The following TMEM9 variants were observed in gnomAD, a reference collection of about 807,000 sequenced individuals.
TMEM9 encodes proton-transporting V-type ATPase complex assembly regulator TMEM9.
Under a neutral mutation model 22.8 loss-of-function variants are expected in TMEM9, and 13 were observed. The observed-to-expected ratio is 0.57, with a 90% confidence interval of 0.37 to 0.91. The LOEUF is 0.91. Among genes scored for constraint, TMEM9 ranks in the 40% least tolerant of loss-of-function variants. The probability of loss-of-function intolerance (pLI) is 0.01; values close to 1 mark genes in which losing one functional copy is unlikely to be tolerated. For synonymous variants in TMEM9, 88 were observed against 93.0 expected, an observed-to-expected ratio of 0.95 and a Z score of 0.31; for missense variants, 182 against 238.1, an observed-to-expected ratio of 0.76 and a Z score of 1.55.
At chr1:201,137,438 C>T (rs959488389) in intron 4 of TMEM9, among the ~76,000 whole-genome samples, 6 of 150,940 alleles carry the variant, frequency 4.0e-5, no homozygotes, top group Admixed American at 6.6e-5. Flanking sequence ...TTCTGCTATA[C>T]GGTCATTAGG....
At chr1:201,163,075 C>T (rs1230963350) in intron 1 of TMEM9, among the ~76,000 whole-genome samples, 4 of 152,054 alleles carry the variant, frequency 2.6e-5, no homozygotes, top group Non-Finnish European at 5.9e-5. Flanking sequence ...TGCTTGAGCC[C>T]AGGAGCTAGA....
chr1:201,144,998 C>T (rs1664844210), intron 3 of TMEM9: 1 of 152,288 alleles, frequency 6.6e-6, no homozygotes, highest in African/African-American at 2.4e-5. Context: ...TCAGGACTTT[C>T]AAGCTGGGTG....
At chr1:201,142,835 T>C (rs1327408536) in intron 4 of TMEM9, among the ~76,000 whole-genome samples, 1 of 152,136 alleles carries the variant, frequency 6.6e-6, no homozygotes, top group African/African-American at 2.4e-5. Context: ...CATGAGCGCA[T>C]AAAGGGGGAG....
intron 1 of TMEM9, among the ~76,000 whole-genome samples, chr1:201,164,294 T>C (rs1463284703): frequency 6.6e-6 from 1 of 152,236 alleles, no homozygotes; most frequent in African/African-American, 2.4e-5. Flanking sequence ...AAATGTTTTG[T>C]ATCTTGATTA....
intron 1 of TMEM9, among the ~76,000 whole-genome samples, chr1:201,162,944 T>C (rs1369523749): frequency 1.3e-5 from 2 of 151,800 alleles, no homozygotes; most frequent in Non-Finnish European, 2.9e-5. Flanking sequence ...ATATGGCAAA[T>C]AAGTACATGA....
chr1:201,148,059 C>A (rs1665128223), intron 2 of TMEM9, among the ~76,000 whole-genome samples: 1 of 152,222 alleles, frequency 6.6e-6, no homozygotes, highest in African/African-American at 2.4e-5. Context: ...CAGTACCTAG[C>A]TGGGTGCTGG....
chr1:201,136,316 C>G lies in TMEM9; in HGVS notation c.400-501G>C, dbSNP rs145223075. Among the ~76,000 whole-genome samples the G allele has an allele frequency of 1.1e-4, 17 of 152,324 alleles. No homozygotes were observed. The East Asian group carries it at 3.3e-3, about 29-fold the overall frequency. ...GGCTAGTACTAGGCTAGAGAACTCCCCTGCCCTCCACGCCATTGCCCAGGG... is the reference window on the plus strand; with the variant it reads ...GGCTAGTACTAGGCTAGAGAACTCCGCTGCCCTCCACGCCATTGCCCAGGG... On this transcript the variant is annotated intron_variant, in intron 4 of 4. Transcript: ENST00000367330.
intron 2 of TMEM9, among the ~76,000 whole-genome samples, chr1:201,150,087 G>A (rs1001597434): frequency 6.6e-6 from 1 of 152,236 alleles, no homozygotes; most frequent in African/African-American, 2.4e-5. Context: ...TGGGTTTTCA[G>A]GCCATCTATA....
chr1:201,138,367 C>T (rs1272485610), intron 4 of TMEM9, among the ~76,000 whole-genome samples: 1 of 152,196 alleles, frequency 6.6e-6, no homozygotes, highest in Non-Finnish European at 1.5e-5. Flanking sequence ...GCTGAGTTTC[C>T]ATCGCTAATA....
At chr1:201,156,573 C>T (rs534219147), upstream of TMEM9, among the ~76,000 whole-genome samples, 1 of 152,298 alleles carries the variant, frequency 6.6e-6, no homozygotes, top group African/African-American at 2.4e-5. Context: ...TTGCTCATTG[C>T]AGTCCTCCAT....
At chr1:201,160,464 C>T (rs946214336) in intron 1 of TMEM9, among the ~76,000 whole-genome samples, 1 of 152,020 alleles carries the variant, frequency 6.6e-6, no homozygotes, top group Non-Finnish European at 1.5e-5. Flanking sequence ...TGGCACATGC[C>T]TGTAATCCCA....
intron 1 of TMEM9, among the ~76,000 whole-genome samples, chr1:201,169,708 G>T (rs1666167405): frequency 6.6e-6 from 1 of 151,804 alleles, no homozygotes; most frequent in Non-Finnish European, 1.5e-5. Context: ...TTTTTTTTTG[G>T]ATGAGCACTT....
chr1:201,162,246 C>T (rs12749395), intron 1 of TMEM9, among the ~76,000 whole-genome samples: 28,124 of 151,430 alleles, frequency 0.19, 2,874 homozygotes, highest in Non-Finnish European at 0.23. Context: ...GCCTTGACCT[C>T]CAGGCTCTTG....
intron 1 of TMEM9, among the ~76,000 whole-genome samples, chr1:201,159,565 G>C (rs1346389455): frequency 3.6e-5 from 5 of 138,594 alleles, no homozygotes. Context: ...TAAGCAAATA[G>C]CAATTAAACC....
In TMEM9 at chr1:201,135,809, G is replaced by A. The variant is rs767973551; in HGVS notation, c.406C>T (p.Arg136Cys). The change falls in exon 5 of 5, where the codon CGC becomes TGC. Residue 136 changes from arginine (R) to cysteine (C), a missense_variant. Transcript: ENST00000367330. ...LHNEEENEDA[R>C]SMAAAAASLG... is the part of the protein sequence containing the mutation. ...GATGCAGCAGCTGCTGCCATAGAGC[G>A]AGCATCCTGTAGTGGGAAGAAAAAA... 1.2e-5 allele frequency: 19 copies of A among 1,606,274 alleles called. No individual in the cohort carries two copies. The highest frequency in any genetic ancestry group is 3.4e-5 in the Admixed American group (2 of 58,702).
chr1:201,149,605 T>A (rs554198863), intron 2 of TMEM9, among the ~76,000 whole-genome samples: 90 of 152,274 alleles, frequency 5.9e-4, no homozygotes, highest in African/African-American at 1.9e-3. Context: ...AGGATACCTG[T>A]AAACACAGGA....
intron 4 of TMEM9, among the ~76,000 whole-genome samples, chr1:201,141,660 C>T (rs1360659549): frequency 6.6e-6 from 1 of 152,104 alleles, no homozygotes; most frequent in Non-Finnish European, 1.5e-5. Flanking sequence ...GAGCATGGCT[C>T]GCCAGCTTCT....
At chr1:201,138,201 G>C (rs919841117) in intron 4 of TMEM9, among the ~76,000 whole-genome samples, 1 of 152,206 alleles carries the variant, frequency 6.6e-6, no homozygotes, top group Non-Finnish European at 1.5e-5. Context: ...CTGTATCTCA[G>C]GGGAGCGTCT....
At chr1:201,138,814 T>TTAG (rs1455874144) in intron 4 of TMEM9, among the ~76,000 whole-genome samples, 1 of 152,210 alleles carries the variant, frequency 6.6e-6, no homozygotes, top group Non-Finnish European at 1.5e-5. Flanking sequence ...GCATGGCTGT[T>TTAG]TAGTGGCCAA....
Sources: allele counts gnomAD v4.1 joint callset (sites outside exome capture counted in the v4.1 genomes callset), GRCh38; gene constraint gnomAD v4.1.1; transcripts MANE v1.5; gene names NCBI Gene and HGNC (gene_info 2026-07-23, HGNC 2026-07-21).